GRM7: variants seen among roughly 807,000 people sequenced by gnomAD.
The protein encoded by GRM7 is metabotropic glutamate receptor 7.
A neutral mutation model predicts 84.5 loss-of-function variants in GRM7; 35 were observed. The observed-to-expected ratio is 0.41, with a 90% CI of 0.32 to 0.55. The LOEUF (loss-of-function observed/expected upper bound fraction) is 0.55, where lower values mean the gene tolerates loss of function less well. Among genes scored for constraint, GRM7 ranks in the 20% least tolerant of loss-of-function variants. The pLI is 0.19. For synonymous variants in GRM7, 487 were observed against 455.1 expected (o/e 1.07, Z -0.89); for missense variants, 1,003 against 1,194.6 (o/e 0.84, Z 2.36).
chr3:7,055,976 A>G (rs1012311478), intron 1 of GRM7, among the ~76,000 whole-genome samples: 2 of 151,982 alleles, frequency 1.3e-5, no homozygotes, highest in Admixed American at 1.3e-4. Flanking sequence ...GGACATGGGA[A>G]GTTTCCCTAT....
chr3:7,375,808 G>A (rs143497186), intron 4 of GRM7, among the ~76,000 whole-genome samples: 1 of 152,164 alleles, frequency 6.6e-6, no homozygotes, highest in East Asian at 1.9e-4. Flanking sequence ...AAATGTCCTT[G>A]CCTATGACTT....
intron 1 of GRM7, among the ~76,000 whole-genome samples, chr3:6,912,941 A>G (rs1357413710): frequency 6.6e-6 from 1 of 152,170 alleles, no homozygotes; most frequent in Non-Finnish European, 1.5e-5. Flanking sequence ...TTAAAAAACA[A>G]TTACATGTTG....
chr3:6,940,069 T>G (rs1166368247), intron 1 of GRM7, among the ~76,000 whole-genome samples: 2 of 152,142 alleles, frequency 1.3e-5, no homozygotes, highest in African/African-American at 4.8e-5. Context: ...ATAGCACTTT[T>G]GAAACGTTTT....
chr3:7,629,094 G>C lies in GRM7; in HGVS notation c.2451+49737G>C, dbSNP rs79056014. Among the ~76,000 whole-genome samples, 854 of 152,260 alleles carry C rather than the reference G, an allele frequency of 5.6e-3. 7 individuals are homozygous for C. The highest frequency in any genetic ancestry group is 0.019 in the African/African-American group (786 of 41,556). On this transcript the variant is annotated intron_variant, in intron 8 of 9. Coordinates refer to ENST00000357716, the MANE Select transcript of GRM7 (RefSeq NM_000844.4). ...TATGAAGGCTCTGTAAAAAAAAGGA[G>C]ATAACTTGACTGCTGCAGCTTAAAA...
At chr3:7,384,055 G>A (rs1235348229) in intron 4 of GRM7, among the ~76,000 whole-genome samples, 18 of 152,024 alleles carry the variant, frequency 1.2e-4, no homozygotes, top group Admixed American at 1.2e-3. Flanking sequence ...AGGAGACAGA[G>A]TCCCACTCTC....
intron 2 of GRM7, among the ~76,000 whole-genome samples, chr3:7,157,544 T>G (rs1444346130): frequency 1.3e-5 from 2 of 152,020 alleles, no homozygotes; most frequent in African/African-American, 2.4e-5. Context: ...AAAGAAACCA[T>G]CACAACTTAA....
intron 1 of GRM7, among the ~76,000 whole-genome samples, chr3:6,915,146 T>C (rs1696899121): frequency 6.6e-6 from 1 of 151,746 alleles, no homozygotes; most frequent in Non-Finnish European, 1.5e-5. Context: ...CTTAAACATA[T>C]GTAATAAAGA....
chr3:7,409,693 T>G (rs886688262), intron 4 of GRM7, among the ~76,000 whole-genome samples: 17 of 152,198 alleles, frequency 1.1e-4, no homozygotes, highest in Non-Finnish European at 2.4e-4. Context: ...CTCTGCCTCC[T>G]GGGTTCAAGC....
intron 7 of GRM7, among the ~76,000 whole-genome samples, chr3:7,469,284 T>C (rs570967024): frequency 6.6e-6 from 1 of 152,318 alleles, no homozygotes; most frequent in East Asian, 1.9e-4. Context: ...AATAGGTTCC[T>C]CAAGGGTTCC....
At chr3:7,613,352 A>G (rs1293327601) in intron 8 of GRM7, among the ~76,000 whole-genome samples, 2 of 152,198 alleles carry the variant, frequency 1.3e-5, no homozygotes, top group Non-Finnish European at 2.9e-5. Context: ...TACATATGTC[A>G]TGCATATTTC....
At chr3:7,185,387 A>G (rs1695481477) in intron 2 of GRM7, among the ~76,000 whole-genome samples, 2 of 152,198 alleles carry the variant, frequency 1.3e-5, no homozygotes, top group East Asian at 1.9e-4. Context: ...TTGTGCTCCT[A>G]TTGGCTGATT....
intron 1 of GRM7, among the ~76,000 whole-genome samples, chr3:7,012,463 C>T (rs902004706): frequency 6.6e-6 from 1 of 152,116 alleles, no homozygotes; most frequent in Non-Finnish European, 1.5e-5. Flanking sequence ...AACACTACCC[C>T]AGAATAGCCC....
chr3:7,542,972 A>G (rs1381565722), intron 7 of GRM7, among the ~76,000 whole-genome samples: 1 of 152,182 alleles, frequency 6.6e-6, no homozygotes, highest in Non-Finnish European at 1.5e-5. Flanking sequence ...AACTCTATGA[A>G]GGGCTGGTAT....
intron 1 of GRM7, among the ~76,000 whole-genome samples, chr3:6,955,684 A>C (rs1295305327): frequency 6.6e-6 from 1 of 151,934 alleles, no homozygotes; most frequent in Non-Finnish European, 1.5e-5. Context: ...CTCTACTAAA[A>C]ATACAAAATT....
At chr3:7,492,180 C>T (rs1699543541) in intron 7 of GRM7, among the ~76,000 whole-genome samples, 1 of 152,040 alleles carries the variant, frequency 6.6e-6, no homozygotes, top group Admixed American at 6.6e-5. Context: ...GTTTTGTGTA[C>T]TGTCTTTGCT....
At chr3:7,666,610 A>G (rs1439821669) in intron 8 of GRM7, among the ~76,000 whole-genome samples, 1 of 152,270 alleles carries the variant, frequency 6.6e-6, no homozygotes, top group East Asian at 1.9e-4. Context: ...TAACGGCCAA[A>G]ACGTTAGAAC....
intron 4 of GRM7, among the ~76,000 whole-genome samples, chr3:7,336,324 A>G (rs962696846): frequency 3.3e-5 from 5 of 151,954 alleles, no homozygotes; most frequent in African/African-American, 1.2e-4. Flanking sequence ...AAAAAAAAGC[A>G]CTTGGCAAAA....
intron 1 of GRM7, among the ~76,000 whole-genome samples, chr3:6,873,643 T>C (rs764361661): frequency 1.4e-4 from 21 of 152,222 alleles, no homozygotes; most frequent in Non-Finnish European, 2.4e-4. Context: ...TTATTATTAA[T>C]AGTATTAGCG....
intron 4 of GRM7, among the ~76,000 whole-genome samples, chr3:7,351,984 G>A (rs1238221532): frequency 6.6e-6 from 1 of 151,294 alleles, no homozygotes; most frequent in East Asian, 2.0e-4. Flanking sequence ...GATTATGTGA[G>A]CCAATTCCCC....
Sources: gnomAD v4.1 joint callset for allele counts (sites outside exome capture counted in the v4.1 genomes callset) on GRCh38, gnomAD v4.1.1 for gene constraint, MANE v1.5 for transcripts, NCBI Gene and HGNC (gene_info 2026-07-23, HGNC 2026-07-21) for gene names.